Variants in OSBPL6 observed in about 807,000 individuals in gnomAD.
The protein encoded by OSBPL6 is oxysterol binding protein like 6.
Under a neutral mutation model 125.8 loss-of-function variants are expected in OSBPL6, and 49 were observed. That is an observed-to-expected ratio of 0.39 (90% CI 0.31 to 0.49). OSBPL6 has a LOEUF of 0.49. OSBPL6 is among the 20% of genes least tolerant of loss of function. OSBPL6 has a pLI of 0.88. For missense variants in OSBPL6, 986 were observed against 1,135.4 expected (o/e 0.87, Z 1.89); for synonymous variants, 394 against 391.8 (o/e 1.01, Z -0.07).
At position 178,397,320 on chromosome 2, in the gene OSBPL6, A is replaced by G. The variant is rs920757630; in HGVS notation, c.*1761A>G. 2 of 152,246 alleles carry G rather than the reference A, an allele frequency of 1.3e-5. No homozygotes were observed. Among genetic ancestry groups the G allele is most frequent in the Admixed American group, 6.5e-5 (1 of 15,286 alleles). The allele number at this position is 152,246 out of a possible 1,614,324, so 9.4% of individuals were successfully genotyped here. A position where few individuals can be genotyped will look rare whatever the true frequency, so the allele number is the denominator to read the frequency against. The stretch of plus-strand genomic sequence containing the variant: ...CATTCTCAGGTAAATTTTCGAATCC[A>G]TCACCAGATCTAAGCATTCTGCTTC... On this transcript the variant is annotated 3_prime_UTR_variant, in exon 25 of 25. Coordinates refer to ENST00000190611, the MANE Select transcript of OSBPL6 (RefSeq NM_032523.4).
At chr2:178,210,162 G>A (rs948543848) in intron 1 of OSBPL6, among the ~76,000 whole-genome samples, 1 of 140,908 alleles carries the variant, frequency 7.1e-6, no homozygotes, top group East Asian at 2.0e-4. Flanking sequence ...TGGGATTACA[G>A]GTGCCTGCCA....
At position 178,373,940 on chromosome 2, in the gene OSBPL6, T is replaced by C; in HGVS notation, c.1446T>C (p.Asn482=). Residue 482 remains asparagine (N), a synonymous_variant, in exon 15 of 25, where the codon AAT becomes AAC. Coordinates refer to ENST00000190611, the MANE Select transcript of OSBPL6 (RefSeq NM_032523.4). ...VSLPLSQQVA[N]ESRLSMSESV... Reference sequence around the variant, plus strand: ...TCCCCTTATCACAGCAAGTAGCCAATGAGAGCCGCCTCTCCATGTCAGAGT... The same window carrying C: ...TCCCCTTATCACAGCAAGTAGCCAACGAGAGCCGCCTCTCCATGTCAGAGT... 1 of 1,613,996 alleles carries C rather than the reference T, an allele frequency of 6.2e-7. No individual in the cohort carries two copies. The highest frequency in any genetic ancestry group is 1.1e-5 in the South Asian group (1 of 91,090).
chr2:178,219,256 T>A (rs1457112343), intron 1 of OSBPL6, among the ~76,000 whole-genome samples: 10 of 152,208 alleles, frequency 6.6e-5, no homozygotes, highest in African/African-American at 9.6e-5. Context: ...TATATTCAGA[T>A]TTAAACCACA....
intron 1 of OSBPL6, among the ~76,000 whole-genome samples, chr2:178,247,518 T>G (rs150710335): frequency 2.8e-4 from 42 of 152,302 alleles, no homozygotes; most frequent in South Asian, 2.7e-3. Flanking sequence ...CCCAGGACAG[T>G]GCTGGTGGAT....
At chr2:178,377,559 C>A (rs1218188314) in intron 15 of OSBPL6, among the ~76,000 whole-genome samples, 1 of 152,174 alleles carries the variant, frequency 6.6e-6, no homozygotes, top group Non-Finnish European at 1.5e-5. Context: ...CTTAGCAACC[C>A]ACCTGGTGAG....
intron 1 of OSBPL6, among the ~76,000 whole-genome samples, chr2:178,213,742 C>T (rs182170959): frequency 1.3e-5 from 2 of 152,256 alleles, no homozygotes; most frequent in Admixed American, 6.5e-5. Context: ...TTATATGTTC[C>T]CCATTCCTAA....
Position 178,401,494 on chromosome 2 carries a change from T to A in OSBPL6, c.*5935T>A, listed in dbSNP as rs1411424548. The A allele has an allele frequency of 6.6e-6, 1 of 152,234 alleles. No homozygotes were observed. The highest frequency in any genetic ancestry group is 6.5e-5 in the Admixed American group (1 of 15,282). The allele number at this position is 152,234 out of a possible 1,614,324, so 9.4% of individuals were successfully genotyped here. A position where few individuals can be genotyped will look rare whatever the true frequency, so the allele number is the denominator to read the frequency against. On this transcript the variant is annotated 3_prime_UTR_variant, in exon 25 of 25. Transcript: ENST00000190611. ...CTGAGCCTAAAAGCCTTATTCCTTATATCCGGAGCCTAAAAGTTTGCTCAA... is the reference window on the plus strand; with the variant it reads ...CTGAGCCTAAAAGCCTTATTCCTTAAATCCGGAGCCTAAAAGTTTGCTCAA...
chr2:178,276,381 T>C (rs1191038277), intron 1 of OSBPL6, among the ~76,000 whole-genome samples: 1 of 150,102 alleles, frequency 6.7e-6, no homozygotes, highest in Non-Finnish European at 1.5e-5. Flanking sequence ...GTTTTTTTTT[T>C]TTTTTTTTTG....
chr2:178,276,798 G>A (rs879349633), intron 1 of OSBPL6, among the ~76,000 whole-genome samples: 1 of 53,860 alleles, frequency 1.9e-5, no homozygotes, highest in Non-Finnish European at 4.0e-5. Flanking sequence ...TTTTTTTTTT[G>A]AGCCCATTTT....
intron 1 of OSBPL6, among the ~76,000 whole-genome samples, chr2:178,281,010 C>CTTTT (rs55986941): frequency 6.1e-5 from 8 of 131,496 alleles, no homozygotes; most frequent in Non-Finnish European, 9.6e-5. Context: ...TTGCTTTTGA[C>CTTTT]TTTTTTTTTT....
At chr2:178,298,170 G>A (rs142022392) in intron 2 of OSBPL6, among the ~76,000 whole-genome samples, 52 of 152,228 alleles carry the variant, frequency 3.4e-4, no homozygotes, top group African/African-American at 1.3e-3. Context: ...TTAAAATGAT[G>A]CCTTCAGGGT....
intron 1 of OSBPL6, among the ~76,000 whole-genome samples, chr2:178,277,363 A>G (rs2092490798): frequency 6.6e-6 from 1 of 152,240 alleles, no homozygotes; most frequent in Non-Finnish European, 1.5e-5. Context: ...AATTTTTGTC[A>G]GCATTAACAA....
chr2:178,373,838 C>T, intron 14 of OSBPL6, 52 bp from the exon 15 acceptor site: 1 of 1,599,480 alleles, frequency 6.3e-7, no homozygotes, highest in Non-Finnish European at 8.5e-7. Context: ...GAAGGAATAG[C>T]TATTCTAACA....
chr2:178,401,072 A>G lies in OSBPL6; in HGVS notation c.*5513A>G, dbSNP rs1696090217. 1 of 152,272 alleles carries G rather than the reference A, an allele frequency of 6.6e-6. No individual in the cohort carries two copies. Among genetic ancestry groups the G allele is most frequent in the African/African-American group, 2.4e-5 (1 of 41,470 alleles). 9.4% of individuals were successfully genotyped at this position (152,272 alleles called of 1,614,324 possible). ...TTATGTCAAAATGTCCAAGTAAATTAATGGATTAATTTCCATGCTTCTGGT... is the reference window on the plus strand; with the variant it reads ...TTATGTCAAAATGTCCAAGTAAATTGATGGATTAATTTCCATGCTTCTGGT... On this transcript the variant is annotated 3_prime_UTR_variant, in exon 25 of 25. Coordinates refer to ENST00000190611, the MANE Select transcript of OSBPL6 (RefSeq NM_032523.4).
chr2:178,217,488 G>A (rs552344056), intron 1 of OSBPL6, among the ~76,000 whole-genome samples: 2 of 152,144 alleles, frequency 1.3e-5, no homozygotes, highest in Non-Finnish European at 2.9e-5. Context: ...AGACACACAC[G>A]AGTTTAGGAG....
chr2:178,198,950 T>A (rs150300580), intron 1 of OSBPL6, among the ~76,000 whole-genome samples: 2 of 152,364 alleles, frequency 1.3e-5, no homozygotes, highest in African/African-American at 4.8e-5. Context: ...AACATTTCTT[T>A]CAAATTCATC....
chr2:178,371,571 C>A (rs553427880), intron 13 of OSBPL6, among the ~76,000 whole-genome samples: 1 of 152,218 alleles, frequency 6.6e-6, no homozygotes, highest in African/African-American at 2.4e-5. Flanking sequence ...GTTAGTTCTG[C>A]AGCACTGTCA....
At chr2:178,298,695 C>CTTTTTTTTTTT (rs796165404) in intron 2 of OSBPL6, among the ~76,000 whole-genome samples, 1 of 141,668 alleles carries the variant, frequency 7.1e-6, no homozygotes. Flanking sequence ...TTTTTAGTTG[C>CTTTTTTTTTTT]TTTTTTTTTT....
At position 178,322,205 on chromosome 2, in the gene OSBPL6, G is replaced by A. The variant is rs988877659; in HGVS notation, c.103-1972G>A. 8.5e-5 allele frequency among the ~76,000 whole-genome samples: 13 copies of A among 152,286 alleles called. No homozygotes were observed. In the East Asian group the frequency reaches 2.5e-3, roughly 29 times the overall value. On this transcript the variant is annotated intron_variant, in intron 3 of 24. Coordinates refer to ENST00000190611, the MANE Select transcript of OSBPL6 (RefSeq NM_032523.4). ...CTGCCTACATAGTTACTAAGGTCAA[G>A]TTTCTTTCCAGGTTTTGTTTTTCTT... is the stretch of plus-strand genomic sequence containing the variant.
Sources: allele counts gnomAD v4.1 joint callset (sites outside exome capture counted in the v4.1 genomes callset), GRCh38; gene constraint gnomAD v4.1.1; transcripts MANE v1.5; gene names NCBI Gene and HGNC (gene_info 2026-07-23, HGNC 2026-07-21).